The following CRACR2A variants were observed in gnomAD, a reference collection of about 807,000 sequenced individuals.
The protein encoded by CRACR2A is calcium release activated channel regulator 2A, also known as EF-hand calcium-binding domain-containing protein 4B.
In CRACR2A, 79 loss-of-function variants were observed where a neutral mutation model predicts 90.5. The observed-to-expected ratio is 0.87, with a 90% CI of 0.73 to 1.05. The LOEUF (loss-of-function observed/expected upper bound fraction) is 1.05, where lower values mean the gene tolerates loss of function less well. CRACR2A is among the 50% of genes least tolerant of loss of function. CRACR2A has a pLI of 0.00. For missense variants in CRACR2A, 823 were observed against 897.2 expected (o/e 0.92, Z 1.06); for synonymous variants, 338 against 356.7 (o/e 0.95, Z 0.59).
chr12:3,702,285 G>T (rs1945845578), intron 3 of CRACR2A, among the ~76,000 whole-genome samples: 3 of 152,166 alleles, frequency 2.0e-5, no homozygotes, highest in Admixed American at 1.3e-4. Flanking sequence ...TCAACATTGT[G>T]TTGGAGATTT....
At chr12:3,679,782 G>T (rs1483413970) in intron 5 of CRACR2A, among the ~76,000 whole-genome samples, 1 of 152,168 alleles carries the variant, frequency 6.6e-6, no homozygotes, top group Non-Finnish European at 1.5e-5. Flanking sequence ...TGTCTAGTCT[G>T]TTCAAACCTT....
intron 3 of CRACR2A, among the ~76,000 whole-genome samples, chr12:3,709,600 A>T (rs145073041): frequency 0.014 from 2,135 of 152,300 alleles, 47 homozygotes; most frequent in African/African-American, 0.042. Flanking sequence ...CAACATGGTG[A>T]AACTCCGTCT....
chr12:3,671,700 C>T (rs7973739), intron 7 of CRACR2A, among the ~76,000 whole-genome samples: 22,407 of 152,176 alleles, frequency 0.15, 1,833 homozygotes, highest in South Asian at 0.26. Flanking sequence ...TATATTCAGG[C>T]TCAAACTCTC....
At chr12:3,674,287 C>A (rs552434662) in intron 6 of CRACR2A, among the ~76,000 whole-genome samples, 1 of 152,236 alleles carries the variant, frequency 6.6e-6, no homozygotes, top group South Asian at 2.1e-4. Flanking sequence ...CTGAAAGATG[C>A]GCACACACAG....
At chr12:3,636,552 G>A (rs181686486) in intron 14 of CRACR2A, among the ~76,000 whole-genome samples, 7 of 152,340 alleles carry the variant, frequency 4.6e-5, no homozygotes, top group Admixed American at 3.9e-4. Context: ...TAGCGGTGAG[G>A]ATAAAATGCC....
intron 1 of CRACR2A, among the ~76,000 whole-genome samples, chr12:3,743,180 G>A (rs944700474): frequency 1.3e-5 from 2 of 152,120 alleles, no homozygotes; most frequent in African/African-American, 4.8e-5. Context: ...TTAAAAATAC[G>A]TTTAGTTTGC....
At chr12:3,692,854 G>A (rs746602146) in intron 4 of CRACR2A, among the ~76,000 whole-genome samples, 4 of 152,124 alleles carry the variant, frequency 2.6e-5, no homozygotes, top group Non-Finnish European at 4.4e-5. Context: ...GCAAGTCTAC[G>A]TGCACTCTCT....
chr12:3,712,396 T>C (rs944080055), intron 3 of CRACR2A, among the ~76,000 whole-genome samples: 2 of 152,214 alleles, frequency 1.3e-5, no homozygotes, highest in African/African-American at 4.8e-5. Context: ...GCTTGGTTAC[T>C]GGGGAAGCCC....
chr12:3,723,583 T>C (rs1424916864), intron 2 of CRACR2A, among the ~76,000 whole-genome samples: 1 of 151,940 alleles, frequency 6.6e-6, no homozygotes, highest in Non-Finnish European at 1.5e-5. Context: ...GGCAGCTCAG[T>C]GCCCCAGTGA....
chr12:3,671,501 A>G (rs952049950), intron 7 of CRACR2A, among the ~76,000 whole-genome samples: 7 of 152,192 alleles, frequency 4.6e-5, no homozygotes, highest in African/African-American at 1.7e-4. Flanking sequence ...CCCACTTCCC[A>G]AAGTTACACA....
At chr12:3,743,514 C>G (rs1236288858) in intron 1 of CRACR2A, among the ~76,000 whole-genome samples, 1 of 152,178 alleles carries the variant, frequency 6.6e-6, no homozygotes, top group Non-Finnish European at 1.5e-5. Flanking sequence ...GGAAGCCAGT[C>G]AGGCACAGGG....
chr12:3,648,672 C>A, intron 10 of CRACR2A, 59 bp from the exon 11 acceptor site: 1 of 1,569,650 alleles, frequency 6.4e-7, no homozygotes, highest in South Asian at 1.2e-5. Context: ...ATGCCCGGAC[C>A]CCTCATGCTG....
intron 6 of CRACR2A, among the ~76,000 whole-genome samples, chr12:3,674,437 G>C (rs1418135650): frequency 2.0e-5 from 3 of 152,220 alleles, no homozygotes; most frequent in African/African-American, 7.2e-5. Flanking sequence ...GACACACATG[G>C]TGGACCCTGT....
At chr12:3,643,400 G>A (rs1023622124) in intron 12 of CRACR2A, among the ~76,000 whole-genome samples, 4 of 152,134 alleles carry the variant, frequency 2.6e-5, no homozygotes, top group Non-Finnish European at 5.9e-5. Context: ...GATTCCTGTT[G>A]TATGGAGGGG....
At chr12:3,637,405 G>T (rs1259461413) in intron 14 of CRACR2A, among the ~76,000 whole-genome samples, 1 of 152,184 alleles carries the variant, frequency 6.6e-6, no homozygotes, top group African/African-American at 2.4e-5. Flanking sequence ...GGGTCGGGAA[G>T]GGGGCAAACA....
At chr12:3,692,510 G>C (rs546988222) in intron 4 of CRACR2A, among the ~76,000 whole-genome samples, 1 of 151,868 alleles carries the variant, frequency 6.6e-6, no homozygotes, top group South Asian at 2.1e-4. Context: ...ATCCACGCTG[G>C]GGGTGGGGGT....
intron 1 of CRACR2A, among the ~76,000 whole-genome samples, chr12:3,748,752 C>T (rs1451721451): frequency 6.6e-6 from 1 of 152,200 alleles, no homozygotes; most frequent in Non-Finnish European, 1.5e-5. Flanking sequence ...CAAGACTCAG[C>T]ACTGTGTACA....
chr12:3,685,755 G>C (rs185499461), intron 4 of CRACR2A, among the ~76,000 whole-genome samples: 12 of 152,286 alleles, frequency 7.9e-5, no homozygotes, highest in African/African-American at 2.9e-4. Context: ...ATTGTTTTAC[G>C]GGTACAGAGT....
At chr12:3,749,024 C>A (rs968478076) in intron 1 of CRACR2A, among the ~76,000 whole-genome samples, 1 of 152,206 alleles carries the variant, frequency 6.6e-6, no homozygotes, top group African/African-American at 2.4e-5. Flanking sequence ...AGCCAAGCTG[C>A]CTGAGTTCAA....
Sources: gnomAD v4.1 joint callset for allele counts (sites outside exome capture counted in the v4.1 genomes callset) on GRCh38, gnomAD v4.1.1 for gene constraint, MANE v1.5 for transcripts, NCBI Gene and HGNC (gene_info 2026-07-23, HGNC 2026-07-21) for gene names.